The following EXOC4 variants were observed in gnomAD, a reference collection of about 807,000 sequenced individuals.
EXOC4 encodes SEC8-like 1.
A neutral mutation model predicts 107.2 loss-of-function variants in EXOC4; 71 were observed. The ratio of observed to expected loss-of-function variants is 0.66; its 90% confidence interval spans 0.55 to 0.81. The LOEUF is 0.81. EXOC4 is among the 30% of genes least tolerant of loss of function. The pLI is 0.00. For synonymous variants in EXOC4, 456 were observed against 441.2 expected (o/e 1.03, Z -0.42); for missense variants, 1,108 against 1,189.6 (o/e 0.93, Z 1.01).
At chr7:133,860,639 T>C (rs1798514085) in intron 11 of EXOC4, among the ~76,000 whole-genome samples, 1 of 152,222 alleles carries the variant, frequency 6.6e-6, no homozygotes, top group African/African-American at 2.4e-5. Flanking sequence ...AATAGCTAAA[T>C]ATCCCGTATA....
rs750945209 is a variant in EXOC4 at position 133,997,643 on chromosome 7, A to C, written c.2348+10A>C. ...TACATCTGGAAGTGAGGTATGATAC[A>C]GCCAAGCCCAGGACCTTGCAATTTG... On this transcript the variant is annotated intron_variant, in intron 15 of 17. Transcript: ENST00000253861. 9.3e-6 allele frequency: 15 copies of C among 1,611,810 alleles called. No individual in the cohort carries two copies. The highest frequency in any genetic ancestry group is 1.3e-5 in the Non-Finnish European group (15 of 1,178,860).
intron 8 of EXOC4, among the ~76,000 whole-genome samples, chr7:133,477,307 A>G (rs907234942): frequency 8.5e-5 from 13 of 152,152 alleles, no homozygotes; most frequent in African/African-American, 2.9e-4. Context: ...CATTCACCAC[A>G]TATTCATCCC....
At chr7:133,541,105 T>C (rs1188080070) in intron 9 of EXOC4, among the ~76,000 whole-genome samples, 2 of 152,318 alleles carry the variant, frequency 1.3e-5, no homozygotes, top group East Asian at 3.9e-4. Context: ...TGTAATATAG[T>C]GTCCTTAGGT....
chr7:133,983,266 A>G (rs1563080357), intron 14 of EXOC4, among the ~76,000 whole-genome samples: 1 of 152,128 alleles, frequency 6.6e-6, no homozygotes, highest in East Asian at 1.9e-4. Flanking sequence ...CACCTCCAAC[A>G]TTGGGAATTA....
At chr7:133,326,592 G>C (rs1795247608) in intron 5 of EXOC4, among the ~76,000 whole-genome samples, 1 of 152,194 alleles carries the variant, frequency 6.6e-6, no homozygotes, top group African/African-American at 2.4e-5. Flanking sequence ...GGGGCAGCCG[G>C]CTGTGTGAGG....
At chr7:133,688,202 G>A (rs760180039) in intron 10 of EXOC4, among the ~76,000 whole-genome samples, 50 of 152,140 alleles carry the variant, frequency 3.3e-4, no homozygotes, top group Non-Finnish European at 6.0e-4. Context: ...GTTTTATAGC[G>A]TGATAGGTGG....
intron 14 of EXOC4, among the ~76,000 whole-genome samples, chr7:133,989,443 A>G (rs1208267776): frequency 1.3e-5 from 2 of 152,214 alleles, no homozygotes; most frequent in African/African-American, 2.4e-5. Context: ...AAGGAATACC[A>G]CTAGAGGAAA....
chr7:133,991,822 T>G (rs1041674438), intron 14 of EXOC4, among the ~76,000 whole-genome samples: 20 of 152,312 alleles, frequency 1.3e-4, no homozygotes, highest in Middle Eastern at 3.4e-3. Flanking sequence ...TGTCTGTTTT[T>G]TATGCCAATA....
At chr7:133,346,404 T>A (rs1795784726) in intron 5 of EXOC4, among the ~76,000 whole-genome samples, 1 of 152,230 alleles carries the variant, frequency 6.6e-6, no homozygotes, top group Non-Finnish European at 1.5e-5. Context: ...TCCACAGAGA[T>A]GTTATTCTCA....
chr7:133,255,021 G>C (rs1197507969), intron 1 of EXOC4, among the ~76,000 whole-genome samples: 1 of 151,704 alleles, frequency 6.6e-6, no homozygotes, highest in Non-Finnish European at 1.5e-5. Context: ...TATTCTCCAG[G>C]AGGAACCCCC....
chr7:133,598,842 G>A (rs1163777116), intron 9 of EXOC4, among the ~76,000 whole-genome samples: 1 of 152,012 alleles, frequency 6.6e-6, no homozygotes, highest in Non-Finnish European at 1.5e-5. Flanking sequence ...AAATTAGCTG[G>A]GCGTGGTGGC....
At chr7:133,834,593 C>T (rs528759097) in intron 11 of EXOC4, among the ~76,000 whole-genome samples, 14 of 152,152 alleles carry the variant, frequency 9.2e-5, no homozygotes, top group Non-Finnish European at 1.8e-4. Flanking sequence ...TGTTCAATTT[C>T]GTTAGGATTT....
chr7:133,720,683 C>T (rs1352575613), intron 10 of EXOC4, among the ~76,000 whole-genome samples: 1 of 152,086 alleles, frequency 6.6e-6, no homozygotes, highest in Non-Finnish European at 1.5e-5. Flanking sequence ...TCTTGCTTAA[C>T]TTGTTGATGA....
At chr7:133,317,953 C>G (rs995837371) in intron 5 of EXOC4, among the ~76,000 whole-genome samples, 1 of 151,698 alleles carries the variant, frequency 6.6e-6, no homozygotes, top group African/African-American at 2.4e-5. Context: ...CCACCACACC[C>G]GGGCGACCAG....
intron 15 of EXOC4, among the ~76,000 whole-genome samples, chr7:134,001,957 T>G (rs1052638175): frequency 6.6e-5 from 10 of 152,228 alleles, no homozygotes; most frequent in African/African-American, 2.4e-4. Context: ...TAAAAATACT[T>G]TAGCATAGAT....
chr7:133,857,366 T>TATATATATATATATATATATA (rs1798437702), intron 11 of EXOC4, among the ~76,000 whole-genome samples: 3 of 76,938 alleles, frequency 3.9e-5, no homozygotes, highest in African/African-American at 5.3e-5. Context: ...TATATATATA[T>TATATATATATATATATATATA]TTTACCTCTA....
chr7:133,970,799 G>A (rs986435283), intron 14 of EXOC4, among the ~76,000 whole-genome samples: 7 of 152,204 alleles, frequency 4.6e-5, no homozygotes, highest in Non-Finnish European at 8.8e-5. Flanking sequence ...CAGCCATCTT[G>A]CCAGCCACCC....
At chr7:133,452,094 G>T (rs1373873267) in intron 7 of EXOC4, among the ~76,000 whole-genome samples, 2 of 152,076 alleles carry the variant, frequency 1.3e-5, no homozygotes, top group East Asian at 3.9e-4. Context: ...AAGAGCTGAG[G>T]CTTTGATAAT....
At chr7:133,423,256 A>G (rs1797644750) in intron 7 of EXOC4, among the ~76,000 whole-genome samples, 1 of 151,504 alleles carries the variant, frequency 6.6e-6, no homozygotes, top group Non-Finnish European at 1.5e-5. Flanking sequence ...AAAAAAATAG[A>G]ATTAATGGAG....
Sources: gnomAD v4.1 joint callset for allele counts (sites outside exome capture counted in the v4.1 genomes callset) on GRCh38, gnomAD v4.1.1 for gene constraint, MANE v1.5 for transcripts, NCBI Gene and HGNC (gene_info 2026-07-23, HGNC 2026-07-21) for gene names.